Variants in HTR2C observed in about 807,000 individuals in gnomAD.
HTR2C encodes the protein 5-hydroxytryptamine receptor 2C, also known as 5-hydroxytryptamine (serotonin) receptor 2C, G protein-coupled.
In HTR2C, 5 loss-of-function variants were observed where a neutral mutation model predicts 21.0. That is an observed-to-expected ratio of 0.24 (90% CI 0.12 to 0.50). The LOEUF is 0.50. Among genes scored for constraint, HTR2C ranks in the 20% least tolerant of loss-of-function variants. The pLI is 0.98. For synonymous variants in HTR2C, 150 were observed against 145.3 expected, an observed-to-expected ratio of 1.03 and a Z score of -0.23; for missense variants, 271 against 371.2, an observed-to-expected ratio of 0.73 and a Z score of 2.22.
chrX:114,679,767 A>AGTCTTGCCC (rs1931688181), intron 2 of HTR2C, among the ~76,000 whole-genome samples: 1 of 111,639 alleles, frequency 9.0e-6, no homozygotes, highest in African/African-American at 3.3e-5. Flanking sequence ...AAAAAGATAG[A>AGTCTTGCCC]GTCTTGCCCA....
chrX:114,894,907 C>T (rs188266223), intron 5 of HTR2C, among the ~76,000 whole-genome samples: 5 of 110,519 alleles, frequency 4.5e-5, no homozygotes, highest in East Asian at 5.7e-4. Context: ...TTATTTGAGA[C>T]GGGGTTTCAC....
chrX:114,656,095 A>G (rs1042708777), intron 2 of HTR2C, among the ~76,000 whole-genome samples: 1 of 110,835 alleles, frequency 9.0e-6, no homozygotes, highest in African/African-American at 3.3e-5. Context: ...ACCATTGTCA[A>G]TTAATTGATG....
intron 1 of HTR2C, among the ~76,000 whole-genome samples, chrX:114,599,380 T>C (rs1359640620): frequency 8.9e-6 from 1 of 112,063 alleles, no homozygotes; most frequent in African/African-American, 3.2e-5. Flanking sequence ...CTTAATTTAT[T>C]TGAGCAATCG....
At chrX:114,614,214 C>A (rs1416184878) in intron 2 of HTR2C, among the ~76,000 whole-genome samples, 1 of 109,981 alleles carries the variant, frequency 9.1e-6, no homozygotes, top group Non-Finnish European at 1.9e-5. Context: ...TAGCGAAGTT[C>A]AATTTTCTTC....
chrX:114,814,077 CTG>C (rs1487172825), intron 4 of HTR2C, among the ~76,000 whole-genome samples: 1 of 110,331 alleles, frequency 9.1e-6, no homozygotes, highest in Non-Finnish European at 1.9e-5. Flanking sequence ...AGACATTTGC[CTG>C]TGTGTACAGG....
At chrX:114,605,102 A>G (rs1488311081) in intron 1 of HTR2C, among the ~76,000 whole-genome samples, 9 of 111,283 alleles carry the variant, frequency 8.1e-5, no homozygotes, top group African/African-American at 3.0e-4. Context: ...ACTGGGCTGG[A>G]TTTTTATATT....
chrX:114,678,544 C>G (rs1328273695), intron 2 of HTR2C, among the ~76,000 whole-genome samples: 1 of 111,435 alleles, frequency 9.0e-6, no homozygotes, highest in African/African-American at 3.3e-5. Context: ...GCAGACCATT[C>G]TGGGGAATGA....
intron 4 of HTR2C, among the ~76,000 whole-genome samples, chrX:114,769,823 GT>G (rs2069982621): frequency 9.0e-6 from 1 of 110,984 alleles, no homozygotes; most frequent in African/African-American, 3.3e-5. Context: ...AGAGAAAAGA[GT>G]TTTCATTCAT....
At chrX:114,597,218 C>A (rs372319339) in intron 1 of HTR2C, among the ~76,000 whole-genome samples, 1,103 of 43,789 alleles carry the variant, frequency 0.025, 11 homozygotes, top group African/African-American at 0.064. Flanking sequence ...ATTTCATCTC[C>A]AAAAAAAAAA....
chrX:114,793,784 T>TACA (rs2070259901), intron 4 of HTR2C, among the ~76,000 whole-genome samples: 1 of 110,321 alleles, frequency 9.1e-6, no homozygotes, highest in African/African-American at 3.3e-5. Context: ...CAATATATAT[T>TACA]AAGCACTTAC....
In HTR2C at chrX:114,671,530, A is replaced by G. The variant is rs188557112; in HGVS notation, c.-79-55328A>G. On this transcript the variant is annotated intron_variant, in intron 2 of 5. Transcript: ENST00000276198. ...CGTTGCTACAAGATTTGGGTTTGAC[A>G]TTTGCTTTAACGTTTAATTCAATTA... Among the ~76,000 whole-genome samples, 9 of 112,180 alleles carry G rather than the reference A, an allele frequency of 8.0e-5. No individual in the cohort carries two copies. In the Admixed American group the frequency reaches 8.5e-4, roughly 11 times the overall value.
At chrX:114,708,595 GGAGTTCAA>G (rs1556418730) in intron 2 of HTR2C, among the ~76,000 whole-genome samples, 1 of 110,971 alleles carries the variant, frequency 9.0e-6, no homozygotes, top group Non-Finnish European at 1.9e-5. Flanking sequence ...CTTGAGGCCA[GGAGTTCAA>G]GACCAGCCTA....
At chrX:114,609,648 T>A (rs1928635832) in intron 1 of HTR2C, among the ~76,000 whole-genome samples, 1 of 111,831 alleles carries the variant, frequency 8.9e-6, no homozygotes, top group Non-Finnish European at 1.9e-5. Context: ...CATGATAACT[T>A]GAAGGGAAAG....
intron 2 of HTR2C, among the ~76,000 whole-genome samples, chrX:114,647,608 T>C (rs1323826066): frequency 1.8e-5 from 2 of 112,383 alleles, no homozygotes; most frequent in African/African-American, 6.5e-5. Flanking sequence ...TATTTGTTAA[T>C]TAATTGCTCC....
intron 5 of HTR2C, among the ~76,000 whole-genome samples, chrX:114,900,844 T>C (rs782143582): frequency 3.9e-4 from 44 of 112,097 alleles, no homozygotes; most frequent in South Asian, 7.5e-4. Context: ...TTTTCAAAGA[T>C]AGAGAAAATG....
intron 2 of HTR2C, among the ~76,000 whole-genome samples, chrX:114,659,727 A>G (rs937530041): frequency 6.3e-5 from 7 of 110,362 alleles, no homozygotes; most frequent in Non-Finnish European, 1.1e-4. Context: ...TAGAAATATA[A>G]TATAGGATCC....
intron 4 of HTR2C, among the ~76,000 whole-genome samples, chrX:114,780,299 T>G (rs1357095060): frequency 4.5e-5 from 5 of 111,404 alleles, no homozygotes; most frequent in Admixed American, 1.9e-4. Context: ...TATGCATGTA[T>G]GAAAGTATCA....
intron 2 of HTR2C, among the ~76,000 whole-genome samples, chrX:114,689,451 C>A (rs1013209379): frequency 6.4e-5 from 7 of 109,610 alleles, no homozygotes; most frequent in Non-Finnish European, 1.3e-4. Flanking sequence ...CCATAGTGGT[C>A]GTACTAGTTT....
chrX:114,857,744 T>G (rs1164334811), intron 5 of HTR2C, among the ~76,000 whole-genome samples: 1 of 111,146 alleles, frequency 9.0e-6, no homozygotes, highest in African/African-American at 3.3e-5. Context: ...TTATCCGGTT[T>G]ATGAAAAGTT....
Sources: gnomAD v4.1 joint callset for allele counts (sites outside exome capture counted in the v4.1 genomes callset) on GRCh38, gnomAD v4.1.1 for gene constraint, MANE v1.5 for transcripts, NCBI Gene and HGNC (gene_info 2026-07-23, HGNC 2026-07-21) for gene names.